Variants in AEBP2 observed in about 807,000 individuals in gnomAD.
AEBP2 encodes the protein zinc finger protein AEBP2.
In AEBP2, 10 loss-of-function variants were observed where a neutral mutation model predicts 50.8. The ratio of observed to expected loss-of-function variants is 0.20; its 90% CI spans 0.12 to 0.33. The LOEUF is 0.33. AEBP2 is among the 10% of genes least tolerant of loss of function. The probability of loss-of-function intolerance (pLI) is 1.00; values close to 1 mark genes in which losing one functional copy is unlikely to be tolerated. For missense variants in AEBP2, 570 were observed against 688.0 expected (o/e 0.83, Z 1.92); for synonymous variants, 296 against 261.3 (o/e 1.13, Z -1.28).
At chr12:19,516,011 G>T (rs765478097) in intron 7 of AEBP2, among the ~76,000 whole-genome samples, 7 of 152,156 alleles carry the variant, frequency 4.6e-5, no homozygotes, top group Non-Finnish European at 8.8e-5. Flanking sequence ...CTTCAGCCTG[G>T]AAGTTCGAGG....
intron 3 of AEBP2, among the ~76,000 whole-genome samples, chr12:19,474,643 TA>T (rs1490264192): frequency 6.6e-6 from 1 of 152,228 alleles, no homozygotes; most frequent in Non-Finnish European, 1.5e-5. Context: ...TGCCTTGCTT[TA>T]AAAAGAAACA....
At chr12:19,482,674 A>G (rs760674081) in intron 3 of AEBP2, among the ~76,000 whole-genome samples, 2 of 152,144 alleles carry the variant, frequency 1.3e-5, no homozygotes, top group African/African-American at 2.4e-5. Flanking sequence ...CTGTTCTGCT[A>G]AAGGGGCAGG....
chr12:19,418,933 T>A (rs66534132), intron 1 of AEBP2: 1 of 122,416 alleles, frequency 8.2e-6, no homozygotes, highest in Admixed American at 7.8e-5. Context: ...CTCTCCTACA[T>A]TGAGCACAAG....
At chr12:19,416,361 CTA>C (rs1377512604) in intron 1 of AEBP2, among the ~76,000 whole-genome samples, 1 of 152,076 alleles carries the variant, frequency 6.6e-6, no homozygotes, top group East Asian at 1.9e-4. Flanking sequence ...GAGCTTTTTG[CTA>C]TTATAAATAA....
intron 4 of AEBP2, among the ~76,000 whole-genome samples, chr12:19,496,145 A>G (rs916180469): frequency 7.9e-5 from 12 of 152,116 alleles, no homozygotes; most frequent in African/African-American, 2.7e-4. Context: ...GGAAATATCT[A>G]TGCAATTCGC....
At chr12:19,508,628 A>G (rs932044934) in intron 5 of AEBP2, among the ~76,000 whole-genome samples, 2 of 152,126 alleles carry the variant, frequency 1.3e-5, no homozygotes, top group Admixed American at 6.6e-5. Context: ...ATGAAAGGAA[A>G]ATATATTGCT....
chr12:19,521,161 C>T lies in AEBP2; in HGVS notation c.*3044C>T, dbSNP rs1949391843. The T allele has an allele frequency of 6.6e-6, 1 of 152,092 alleles. No individual in the cohort carries two copies. Among genetic ancestry groups the T allele is most frequent in the Non-Finnish European group, 1.5e-5 (1 of 68,012 alleles). 9.4% of individuals were successfully genotyped at this position (152,092 alleles called of 1,614,324 possible). A position where few individuals can be genotyped will look rare whatever the true frequency, so the allele number is the denominator to read the frequency against. ...CTCTGGTCCTTTAAGAAAAAGTTTT[C>T]GATTCCTTTGTCTAGTTGACAAAAA... On this transcript the variant is annotated 3_prime_UTR_variant, in exon 8 of 8. Coordinates refer to ENST00000266508, the MANE Select transcript of AEBP2 (RefSeq NM_153207.5).
In AEBP2 at chr12:19,405,567, G is replaced by A. The variant is rs147776440; in HGVS notation, c.-17+1351G>A. Among the ~76,000 whole-genome samples the A allele has an allele frequency of 4.6e-5, 7 of 151,940 alleles. No homozygotes were observed. In the East Asian group the frequency reaches 1.2e-3, roughly 25 times the overall value. On this transcript the variant is annotated intron_variant, in intron 1 of 3. Transcript: ENST00000538425. ...TCTCCATCTCTTGACCTCGTGATCC[G>A]CCCACCTCACCCTCCCAAAGTCCTG...
intron 1 of AEBP2, among the ~76,000 whole-genome samples, chr12:19,411,982 C>T (rs1322078074): frequency 6.6e-6 from 1 of 152,230 alleles, no homozygotes; most frequent in Non-Finnish European, 1.5e-5. Context: ...TTCACATCAC[C>T]CACGTGAAAG....
chr12:19,491,996 C>T (rs1252515238), intron 3 of AEBP2, among the ~76,000 whole-genome samples: 6 of 151,156 alleles, frequency 4.0e-5, no homozygotes, highest in Non-Finnish European at 8.8e-5. Flanking sequence ...TAGCAGCTTA[C>T]AATTGGTAGA....
rs1393244256 is a variant in AEBP2 at position 19,425,147 on chromosome 12, C to T, written c.-17+20931C>T. Among the ~76,000 whole-genome samples the T allele has an allele frequency of 6.6e-5, 10 of 152,292 alleles. No homozygotes were observed. The South Asian group carries it at 1.9e-3, about 28-fold the overall frequency. On this transcript the variant is annotated intron_variant, in intron 1 of 3. Coordinates refer to the AEBP2 transcript ENST00000538425. ...ACAAGTCACTCAGGGACCCACCTTCCTTCCATATTGTTGCTTCACTGTCTC... is the reference window on the plus strand; with the variant it reads ...ACAAGTCACTCAGGGACCCACCTTCTTTCCATATTGTTGCTTCACTGTCTC...
In AEBP2 at chr12:19,439,948, G is replaced by A. The variant is rs1357531900; in HGVS notation, c.249G>A (p.Ser83=). ...GGGGCGGCGAGGCAGAGACGATGTC[G>A]GAGCCGAGCCCCGAGAGCGCCAGCC... The part of the protein sequence containing the change: ...GVGGGEAETM[S]EPSPESASQA... Residue 83 remains serine, a synonymous_variant, in exon 1 of 8, where the codon TCG becomes TCA. Coordinates refer to ENST00000266508, the MANE Select transcript of AEBP2 (RefSeq NM_153207.5). 2.6e-6 allele frequency: 4 copies of A among 1,517,856 alleles called. No individual in the cohort carries two copies. The highest frequency in any genetic ancestry group is 3.5e-6 in the Non-Finnish European group (4 of 1,139,766). The allele number at this position is 1,517,856 out of a possible 1,614,324, so 94.0% of individuals were successfully genotyped here.
chr12:19,479,716 G>GT (rs1565723172), intron 3 of AEBP2, among the ~76,000 whole-genome samples: 4 of 29,894 alleles, frequency 1.3e-4, no homozygotes, highest in South Asian at 8.8e-4. Context: ...CCTCTTTGTG[G>GT]GTTTTTTTTT....
At chr12:19,488,016 ATTATT>A (rs1948837616) in intron 3 of AEBP2, among the ~76,000 whole-genome samples, 1 of 152,104 alleles carries the variant, frequency 6.6e-6, no homozygotes, top group Admixed American at 6.6e-5. Flanking sequence ...GCATATGTAT[ATTATT>A]ATATTACATA....
intron 4 of AEBP2, 127 bp from the exon 5 acceptor site, chr12:19,499,970 G>GT (rs1949041875): frequency 1.1e-6 from 1 of 946,416 alleles, no homozygotes; most frequent in East Asian, 2.8e-5. Flanking sequence ...TCCATGTTTT[G>GT]TAAGCAAATA....
chr12:19,485,802 G>A (rs1261450840), intron 3 of AEBP2, among the ~76,000 whole-genome samples: 1 of 151,424 alleles, frequency 6.6e-6, no homozygotes, highest in African/African-American at 2.4e-5. Flanking sequence ...ATAATGAAAT[G>A]TAAGTTCTTC....
chr12:19,435,426 T>G (rs1208874829), upstream of AEBP2, among the ~76,000 whole-genome samples: 1 of 152,088 alleles, frequency 6.6e-6, no homozygotes, highest in African/African-American at 2.4e-5. Context: ...TTTGTAGAGA[T>G]AGGGTTTCAC....
intron 3 of AEBP2, among the ~76,000 whole-genome samples, chr12:19,480,616 C>G (rs1397575376): frequency 6.6e-6 from 1 of 152,196 alleles, no homozygotes; most frequent in Non-Finnish European, 1.5e-5. Flanking sequence ...GGTGGTACCC[C>G]AGTCTCTTCT....
chr12:19,512,253 C>G, intron 5 of AEBP2, 145 bp from the exon 6 acceptor site: 1 of 500,040 alleles, frequency 2.0e-6, no homozygotes, highest in Non-Finnish European at 3.6e-6. Flanking sequence ...AACTCCTGAC[C>G]TTATGATCCA....
Sources: allele counts gnomAD v4.1 joint callset (sites outside exome capture counted in the v4.1 genomes callset), GRCh38; gene constraint gnomAD v4.1.1; transcripts MANE v1.5; gene names NCBI Gene and HGNC (gene_info 2026-07-23, HGNC 2026-07-21).